TGFBR2: variants seen among roughly 807,000 people sequenced by gnomAD.
The protein encoded by TGFBR2 is TGF-beta receptor type-2.
In TGFBR2, 18 loss-of-function variants were observed where a neutral mutation model predicts 49.0. The observed-to-expected ratio is 0.37, with a 90% CI of 0.25 to 0.54. The LOEUF is 0.54. TGFBR2 is among the 20% of genes least tolerant of loss of function. The pLI, the probability that TGFBR2 is intolerant of heterozygous loss-of-function variation, is 0.85. For synonymous variants in TGFBR2, 282 were observed against 275.9 expected, an observed-to-expected ratio of 1.02 and a Z score of -0.22; for missense variants, 525 against 722.6, an observed-to-expected ratio of 0.73 and a Z score of 3.13.
At chr3:30,614,115 C>CTTTTTTTTTTTTTTTTTTT (rs5847643) in intron 1 of TGFBR2, among the ~76,000 whole-genome samples, 2 of 120,632 alleles carry the variant, frequency 1.7e-5, no homozygotes, top group Non-Finnish European at 3.3e-5. Flanking sequence ...TTTTTCTTTC[C>CTTTTTTTTTTTTTTTTTTT]TTTTTTTTTT....
intron 1 of TGFBR2, among the ~76,000 whole-genome samples, chr3:30,615,025 G>A (rs1698105374): frequency 6.6e-6 from 1 of 152,154 alleles, no homozygotes; most frequent in South Asian, 2.1e-4. Context: ...TATACACCAG[G>A]TAGTCAAACA....
intron 1 of TGFBR2, among the ~76,000 whole-genome samples, chr3:30,611,880 G>A (rs1271967100): frequency 6.6e-6 from 1 of 152,142 alleles, no homozygotes; most frequent in Non-Finnish European, 1.5e-5. Context: ...CCACATAAAA[G>A]CATAACTCTG....
At chr3:30,673,517 G>A (rs750340330) in intron 4 of TGFBR2, among the ~76,000 whole-genome samples, 6 of 152,178 alleles carry the variant, frequency 3.9e-5, no homozygotes, top group Non-Finnish European at 5.9e-5. Context: ...TGGCCCACAA[G>A]TTAAAATTAT....
intron 1 of TGFBR2, among the ~76,000 whole-genome samples, chr3:30,619,747 C>T (rs1036105551): frequency 2.0e-5 from 3 of 152,164 alleles, no homozygotes; most frequent in South Asian, 2.1e-4. Flanking sequence ...AACGCCTGGT[C>T]TAAATGTTAC....
chr3:30,671,720 C>A lies in TGFBR2; in HGVS notation c.537C>A (p.Ala179=), dbSNP rs1559466601. ...GCCTCCTGCCACCACTGGGAGTTGC[C>A]ATATCTGTCATCATCATCTTCTACT... ...GISLLPPLGV[A]ISVIIIFYCY... Residue 179 remains alanine, a synonymous_variant, in exon 4 of 7, where the codon GCC becomes GCA. Coordinates refer to ENST00000295754, the MANE Select transcript of TGFBR2 (RefSeq NM_003242.6). 1 of 1,614,144 alleles carries A rather than the reference C, an allele frequency of 6.2e-7. No homozygotes were observed. The highest frequency in any genetic ancestry group is 1.3e-5 in the African/African-American group (1 of 75,034).
chr3:30,685,684 G>C (rs943556775), intron 5 of TGFBR2, among the ~76,000 whole-genome samples: 4 of 152,138 alleles, frequency 2.6e-5, no homozygotes, highest in African/African-American at 9.7e-5. Flanking sequence ...CGCTGCCTCT[G>C]AGAGTAAGGC....
At chr3:30,670,009 G>A (rs1449839325) in intron 3 of TGFBR2, among the ~76,000 whole-genome samples, 1 of 151,808 alleles carries the variant, frequency 6.6e-6, no homozygotes, top group Non-Finnish European at 1.5e-5. Flanking sequence ...ACCTACTGTA[G>A]GTGAAAACTG....
chr3:30,661,902 C>T (rs776735108), intron 3 of TGFBR2, among the ~76,000 whole-genome samples: 6 of 152,078 alleles, frequency 3.9e-5, no homozygotes, highest in African/African-American at 1.2e-4. Context: ...ATTTATTGGG[C>T]GCTATATGCT....
chr3:30,606,831 G>A lies in TGFBR2; in HGVS notation c.-53G>A. The A allele has an allele frequency of 7.9e-7, 1 of 1,272,742 alleles. No individual in the cohort carries two copies. The highest frequency in any genetic ancestry group is 3.1e-5 in the East Asian group (1 of 31,866). 78.8% of individuals were successfully genotyped at this position (1,272,742 alleles called of 1,614,324 possible). ...GGAGGCGCAGCCAGGGGTCCGGGAA[G>A]GCGCCGTCCGCTGCGCTGGGGGCTC... is the stretch of plus-strand genomic sequence containing the variant. On this transcript the variant is annotated 5_prime_UTR_variant, in exon 1 of 7. Coordinates refer to ENST00000295754, the MANE Select transcript of TGFBR2 (RefSeq NM_003242.6).
intron 2 of TGFBR2, among the ~76,000 whole-genome samples, chr3:30,645,727 C>A (rs964446086): frequency 2.6e-5 from 4 of 152,020 alleles, no homozygotes; most frequent in African/African-American, 9.7e-5. Flanking sequence ...CTCAGGTGAT[C>A]CACTCGCCTC....
chr3:30,664,628 A>G (rs898396303), intron 3 of TGFBR2, among the ~76,000 whole-genome samples: 3 of 152,242 alleles, frequency 2.0e-5, no homozygotes, highest in Admixed American at 6.5e-5. Flanking sequence ...AAAGTAAACA[A>G]TTTGTCTTAT....
intron 5 of TGFBR2, among the ~76,000 whole-genome samples, chr3:30,684,918 A>G (rs1408448253): frequency 2.0e-5 from 3 of 152,190 alleles, no homozygotes; most frequent in Non-Finnish European, 4.4e-5. Context: ...CAGAGTACCT[A>G]TAAAAAAAAT....
At chr3:30,661,549 C>G in intron 3 of TGFBR2, 1 of 511,092 alleles carries the variant, frequency 2.0e-6, no homozygotes, top group African/African-American at 1.9e-5. Flanking sequence ...TAAAATCAGA[C>G]ATATAGGTTC....
chr3:30,691,637 G>GC lies in TGFBR2; in HGVS notation c.*42dup. On this transcript the variant is annotated 3_prime_UTR_variant, in exon 7 of 7. Transcript: ENST00000295754. ...AGGCTGGGCCATGTCCAAAGAGGCT[G>GC]CCCCTCTCACCAAAGAACAGAGGCA... 1 of 1,612,898 alleles carries GC rather than the reference G, an allele frequency of 6.2e-7. No homozygotes were observed. Among genetic ancestry groups the GC allele is most frequent in the East Asian group, 2.2e-5 (1 of 44,852 alleles).
At chr3:30,664,635 T>A (rs1699212416) in intron 3 of TGFBR2, among the ~76,000 whole-genome samples, 1 of 152,240 alleles carries the variant, frequency 6.6e-6, no homozygotes, top group African/African-American at 2.4e-5. Flanking sequence ...ACAATTTGTC[T>A]TATAACTTGA....
chr3:30,660,384 G>T (rs1350179549), intron 3 of TGFBR2, among the ~76,000 whole-genome samples: 3 of 152,166 alleles, frequency 2.0e-5, no homozygotes, highest in African/African-American at 7.2e-5. Context: ...TCTTACTCCT[G>T]CAGTTTCTGA....
At chr3:30,653,960 A>G (rs543892521) in intron 3 of TGFBR2, among the ~76,000 whole-genome samples, 51 of 152,358 alleles carry the variant, frequency 3.3e-4, no homozygotes, top group African/African-American at 1.2e-3. Context: ...TTTGTCTACA[A>G]TCAAACAACT....
intron 1 of TGFBR2, among the ~76,000 whole-genome samples, chr3:30,613,936 T>G (rs1049181372): frequency 6.6e-6 from 1 of 152,190 alleles, no homozygotes; most frequent in Non-Finnish European, 1.5e-5. Flanking sequence ...TGCAGAGATG[T>G]TGGGTAGAAA....
chr3:30,688,996 C>T (rs1699668315), intron 6 of TGFBR2, among the ~76,000 whole-genome samples: 1 of 152,184 alleles, frequency 6.6e-6, no homozygotes, highest in South Asian at 2.1e-4. Context: ...GCAGGCTGTG[C>T]TCACAGACTT....
Sources: gnomAD v4.1 joint callset for allele counts (sites outside exome capture counted in the v4.1 genomes callset) on GRCh38, gnomAD v4.1.1 for gene constraint, MANE v1.5 for transcripts, NCBI Gene and HGNC (gene_info 2026-07-23, HGNC 2026-07-21) for gene names.